RHOF: variants seen among roughly 807,000 people sequenced by gnomAD.
RHOF encodes the protein ras homolog family member F, filopodia associated, also known as rho-related GTP-binding protein RhoF.
In RHOF, 21 loss-of-function variants were observed where a neutral mutation model predicts 22.2. That is an observed-to-expected ratio of 0.95 (90% CI 0.67 to 1.36). The LOEUF is 1.36. RHOF is among the 40% of genes most tolerant of loss of function. RHOF has a pLI of 0.00. For synonymous variants in RHOF, 135 were observed against 131.2 expected, an observed-to-expected ratio of 1.03 and a Z score of -0.20; for missense variants, 285 against 293.7, an observed-to-expected ratio of 0.97 and a Z score of 0.22.
At chr12:121,787,551 C>T (rs1010328186) in intron 2 of RHOF, among the ~76,000 whole-genome samples, 6 of 152,180 alleles carry the variant, frequency 3.9e-5, no homozygotes, top group East Asian at 1.9e-4. Flanking sequence ...AGTGAGCGAG[C>T]CTTGATGACA....
At chr12:121,780,789 C>G (rs746517555) in intron 4 of RHOF, 83 bp downstream of exon 4, 2 of 1,492,004 alleles carry the variant, frequency 1.3e-6, no homozygotes, top group East Asian at 2.3e-5. Flanking sequence ...TGAAAGGCCA[C>G]TAAGGCACCC....
chr12:121,787,377 G>A (rs1412958516), intron 2 of RHOF, among the ~76,000 whole-genome samples: 1 of 152,226 alleles, frequency 6.6e-6, no homozygotes, highest in East Asian at 1.9e-4. Flanking sequence ...GTCAAGGTCA[G>A]AGACAAGCAC....
intron 2 of RHOF, among the ~76,000 whole-genome samples, chr12:121,790,360 C>A (rs1874732973): frequency 6.6e-6 from 1 of 152,276 alleles, no homozygotes; most frequent in Non-Finnish European, 1.5e-5. Context: ...TTACTAGACT[C>A]ATTTCTGGCT....
intron 4 of RHOF, chr12:121,779,905 G>A (rs1203403356): frequency 8.1e-6 from 4 of 492,114 alleles, no homozygotes; most frequent in East Asian, 3.2e-5. Flanking sequence ...CTCCAGCTCC[G>A]GGCAGGGAGG....
Position 121,793,200 on chromosome 12 carries a change from C to T in RHOF, c.178G>A (p.Val60Met), listed in dbSNP as rs1592960575. ...PSVFEKYTAS[V>M]TVGSKEVTLN... The stretch of plus-strand genomic sequence containing the variant: ...GTCACCTCCTTGCTGCCAACGGTCA[C>T]GCTGGCCGTGTACTTCTCGAACACC... The change falls in exon 2 of 5, where the codon GTG becomes ATG. Residue 60 changes from valine to methionine, a missense_variant. By Grantham distance (21) the Val-to-Met change is conservative. Transcript: ENST00000267205. 6 of 1,550,896 alleles carry T rather than the reference C, an allele frequency of 3.9e-6. No homozygotes were observed. Among genetic ancestry groups the T allele is most frequent in the South Asian group, 1.2e-5 (1 of 84,066 alleles).
In RHOF at chr12:121,793,555, C is replaced by A; in HGVS notation, c.79G>T (p.Asp27Tyr). 6.5e-7 allele frequency: 1 copy of A among 1,549,404 alleles called. No individual in the cohort carries two copies. Among genetic ancestry groups the A allele is most frequent in the Middle Eastern group, 2.0e-4 (1 of 4,960 alleles). The change falls in exon 1 of 5, where the codon GAC becomes TAC. Residue 27 changes from aspartate to tyrosine, a missense_variant. Coordinates refer to ENST00000267205, the MANE Select transcript of RHOF (RefSeq NM_019034.3). The stretch of plus-strand genomic sequence containing the variant: ...AGCGAGGTCTTGCCGCAGCCGCCGT[C>A]GCCCACGATCACGATCTTCAGCTCC... ...RKELKIVIVG[D>Y]GGCGKTSLLM...
chr12:121,786,089 T>G (rs1461933069), intron 2 of RHOF, among the ~76,000 whole-genome samples: 3 of 150,728 alleles, frequency 2.0e-5, no homozygotes, highest in Admixed American at 1.3e-4. Context: ...CTAATTTTTT[T>G]TTTATTTTTT....
Position 121,779,319 on chromosome 12 carries a change from G to A in RHOF, c.*179C>T. 1 of 663,700 alleles carries A rather than the reference G, an allele frequency of 1.5e-6. No homozygotes were observed. The highest frequency in any genetic ancestry group is 2.5e-6 in the Non-Finnish European group (1 of 396,482). The allele number at this position is 663,700 out of a possible 1,614,324, so 41.1% of individuals were successfully genotyped here. On this transcript the variant is annotated 3_prime_UTR_variant, in exon 5 of 5. Coordinates refer to ENST00000267205, the MANE Select transcript of RHOF (RefSeq NM_019034.3). ...CCATGTCCCAGGGGCAGCCTGGAGGGGAGTTTGTGGTCAGAGCCCCAGCCA... is the reference window on the plus strand; with the variant it reads ...CCATGTCCCAGGGGCAGCCTGGAGGAGAGTTTGTGGTCAGAGCCCCAGCCA...
intron 4 of RHOF, 167 bp from the exon 5 acceptor site, chr12:121,779,829 G>A: frequency 2.9e-6 from 2 of 701,036 alleles, no homozygotes; most frequent in Non-Finnish European, 4.7e-6. Flanking sequence ...TGGGTGGAAT[G>A]GAGGGCCAGG....
chr12:121,785,422 C>CTT lies in RHOF; in HGVS notation c.227-4232_227-4231dup, dbSNP rs758984066. 1.7e-3 allele frequency among the ~76,000 whole-genome samples: 148 copies of CTT among 86,106 alleles called. 5 individuals are homozygous for CTT. Among genetic ancestry groups the CTT allele is most frequent in the East Asian group, 6.6e-3 (26 of 3,916 alleles). The allele number at this position is 86,106 out of a possible 152,430, so 56.5% of individuals were successfully genotyped here. Reference sequence around the variant, plus strand: ...CTTCTCTCATTTCTTTTTTTCTTTACTTTTTTTTTTTTTTTTTTTTTGGAG... The same window carrying CTT: ...CTTCTCTCATTTCTTTTTTTCTTTACTTTTTTTTTTTTTTTTTTTTTTTGGAG... On this transcript the variant is annotated intron_variant, in intron 2 of 4. Coordinates refer to ENST00000267205, the MANE Select transcript of RHOF (RefSeq NM_019034.3).
chr12:121,783,171 T>A (rs1874517758), intron 2 of RHOF, among the ~76,000 whole-genome samples: 1 of 147,474 alleles, frequency 6.8e-6, no homozygotes, highest in South Asian at 2.2e-4. Flanking sequence ...ACCATCCTCA[T>A]CTAAGTCCTC....
At chr12:121,791,194 C>T (rs1417937396) in intron 2 of RHOF, among the ~76,000 whole-genome samples, 10 of 151,816 alleles carry the variant, frequency 6.6e-5, no homozygotes, top group Non-Finnish European at 1.3e-4. Context: ...GGCACAATCT[C>T]GGCTCACTGC....
Position 121,779,129 on chromosome 12 carries a change from C to A in RHOF, c.*369G>T, listed in dbSNP as rs567222877. 2 of 209,238 alleles carry A rather than the reference C, an allele frequency of 9.6e-6. No individual in the cohort carries two copies. The highest frequency in any genetic ancestry group is 9.9e-6 in the Non-Finnish European group (1 of 100,882). 13.0% of individuals were successfully genotyped at this position (209,238 alleles called of 1,614,324 possible). Reference sequence around the variant, plus strand: ...ACAGGAGTGGCAGGCTTGGGGCGCCCGCGTGGAACAGTGCCAGGTCTACGT... The same window carrying A: ...ACAGGAGTGGCAGGCTTGGGGCGCCAGCGTGGAACAGTGCCAGGTCTACGT... On this transcript the variant is annotated 3_prime_UTR_variant, in exon 5 of 5. Transcript: ENST00000267205.
intron 2 of RHOF, among the ~76,000 whole-genome samples, chr12:121,790,587 G>T (rs977613344): frequency 4.6e-5 from 7 of 152,196 alleles, no homozygotes; most frequent in Non-Finnish European, 8.8e-5. Flanking sequence ...ACTGACCAGG[G>T]GATTTCCTCC....
chr12:121,793,403 C>T (rs1592960674), intron 1 of RHOF, 93 bp downstream of exon 1: 2 of 1,497,218 alleles, frequency 1.3e-6, no homozygotes, highest in East Asian at 2.5e-5. Flanking sequence ...GCCGCCTGTC[C>T]GTGCTCGGGA....
chr12:121,793,006 G>C, intron 2 of RHOF, 146 bp downstream of exon 2: 1 of 676,092 alleles, frequency 1.5e-6, no homozygotes, highest in Non-Finnish European at 2.5e-6. Flanking sequence ...CCCGCAGCCA[G>C]CGCCCCTGAG....
chr12:121,786,681 C>T (rs1395528122), intron 2 of RHOF, among the ~76,000 whole-genome samples: 3 of 152,150 alleles, frequency 2.0e-5, no homozygotes, highest in Admixed American at 6.5e-5. Context: ...AAACAGCTTC[C>T]TTGGCAGTCT....
chr12:121,789,013 C>G (rs1432209929), intron 2 of RHOF, among the ~76,000 whole-genome samples: 1 of 152,140 alleles, frequency 6.6e-6, no homozygotes, highest in Non-Finnish European at 1.5e-5. Flanking sequence ...TCCATGTCAC[C>G]TGCCCGTAGT....
At chr12:121,789,075 C>T (rs564922742) in intron 2 of RHOF, among the ~76,000 whole-genome samples, 1 of 152,188 alleles carries the variant, frequency 6.6e-6, no homozygotes, top group South Asian at 2.1e-4. Flanking sequence ...GTTAAAACAG[C>T]CCAGGTAGAC....
Sources: allele counts gnomAD v4.1 joint callset (sites outside exome capture counted in the v4.1 genomes callset), GRCh38; gene constraint gnomAD v4.1.1; transcripts MANE v1.5; gene names NCBI Gene and HGNC (gene_info 2026-07-23, HGNC 2026-07-21).